The following PBLD variants were observed in gnomAD, a reference collection of about 807,000 sequenced individuals.
The protein encoded by PBLD is phenazine biosynthesis like protein domain containing.
Under a neutral mutation model 31.3 loss-of-function variants are expected in PBLD, and 26 were observed. That is an observed-to-expected ratio of 0.83 (90% CI 0.61 to 1.15). The LOEUF (loss-of-function observed/expected upper bound fraction) is 1.15. Among genes scored for constraint, PBLD ranks in the 50% most tolerant of loss-of-function variants. The probability of loss-of-function intolerance (pLI) is 0.00; values close to 1 mark genes in which losing one functional copy is unlikely to be tolerated. For missense variants in PBLD, 307 were observed against 351.7 expected (o/e 0.87, Z 1.02); for synonymous variants, 114 against 129.0 (o/e 0.88, Z 0.79).
chr10:68,288,624 G>A lies in PBLD; in HGVS notation c.550C>T (p.Leu184=), dbSNP rs768930553. Residue 184 remains leucine, a synonymous_variant, in exon 8 of 10, where the codon CTG becomes TTG. Transcript: ENST00000358769. Reference sequence around the variant, plus strand: ...TTCCCTGTGTTTTCAACTTGCAGCAGATTCTCCGTGTTCACTTTCAGGTTC... The same window carrying A: ...TTCCCTGTGTTTTCAACTTGCAGCAAATTCTCCGTGTTCACTTTCAGGTTC... ...LENLKVNTEN[L]LQVENTGKVK... is the part of the protein sequence containing the mutation. 1 of 1,614,154 alleles carries A rather than the reference G, an allele frequency of 6.2e-7. No individual in the cohort carries two copies. The highest frequency in any genetic ancestry group is 1.1e-5 in the South Asian group (1 of 91,070).
At chr10:68,294,197 T>G (rs1034529700) in intron 4 of PBLD, among the ~76,000 whole-genome samples, 3 of 152,160 alleles carry the variant, frequency 2.0e-5, no homozygotes, top group African/African-American at 4.8e-5. Flanking sequence ...CCAGGGACTT[T>G]GCACTTGTTA....
At chr10:68,303,822 C>A (rs201177097) in intron 2 of PBLD, among the ~76,000 whole-genome samples, 6 of 149,060 alleles carry the variant, frequency 4.0e-5, no homozygotes, top group Non-Finnish European at 3.0e-5. Context: ...AACAAAGCTA[C>A]AAAAAAAAAA....
At chr10:68,290,372 G>A (rs2044343393) in intron 6 of PBLD, among the ~76,000 whole-genome samples, 1 of 152,150 alleles carries the variant, frequency 6.6e-6, no homozygotes, top group Admixed American at 6.5e-5. Context: ...CTGTTCTCCA[G>A]AGCCTTAGTC....
intron 1 of PBLD, among the ~76,000 whole-genome samples, chr10:68,322,022 A>T (rs1310367176): frequency 2.6e-5 from 4 of 152,184 alleles, no homozygotes; most frequent in African/African-American, 9.7e-5. Context: ...CTTCCAAAGA[A>T]CAGAGCATGG....
At chr10:68,285,118 T>C in intron 9 of PBLD, 1 of 1,328,022 alleles carries the variant, frequency 7.5e-7, no homozygotes, top group Middle Eastern at 2.8e-4. Context: ...AAACACTTAT[T>C]GGGCAGTTAC....
intron 1 of PBLD, among the ~76,000 whole-genome samples, chr10:68,320,070 G>A (rs188580124): frequency 0.012 from 1,756 of 152,112 alleles, 13 homozygotes; most frequent in South Asian, 0.019. Context: ...TGATCTGCCC[G>A]TCTCGGCCTC....
intron 1 of PBLD, among the ~76,000 whole-genome samples, chr10:68,322,636 C>T (rs1799360321): frequency 6.6e-6 from 1 of 150,868 alleles, no homozygotes; most frequent in Admixed American, 6.6e-5. Context: ...TGCACTCCAG[C>T]CTGGGTGACA....
At chr10:68,304,144 C>A (rs951218043) in intron 2 of PBLD, among the ~76,000 whole-genome samples, 4 of 152,214 alleles carry the variant, frequency 2.6e-5, no homozygotes, top group Admixed American at 6.5e-5. Flanking sequence ...ATTCTCTCCA[C>A]CATCTCAGGA....
At chr10:68,324,580 C>A (rs1309624982) in intron 1 of PBLD, among the ~76,000 whole-genome samples, 3 of 151,708 alleles carry the variant, frequency 2.0e-5, no homozygotes, top group Admixed American at 6.6e-5. Flanking sequence ...TCTCTTCTTA[C>A]CCTCCCAATA....
intron 1 of PBLD, among the ~76,000 whole-genome samples, chr10:68,319,098 A>AGAAG (rs1491175346): frequency 7.4e-6 from 1 of 135,014 alleles, no homozygotes; most frequent in Non-Finnish European, 1.5e-5. Flanking sequence ...AAAGAAAGAA[A>AGAAG]GAAAGAAAGA....
intron 2 of PBLD, among the ~76,000 whole-genome samples, chr10:68,303,631 A>AAAC (rs2044535910): frequency 6.6e-6 from 1 of 151,076 alleles, no homozygotes; most frequent in African/African-American, 2.4e-5. Context: ...TCTTGAAAAC[A>AAAC]AAAAATCCTT....
At chr10:68,297,113 T>G (rs1052277222) in intron 2 of PBLD, 128 bp from the exon 3 acceptor site, 1 of 743,466 alleles carries the variant, frequency 1.3e-6, no homozygotes, top group African/African-American at 1.8e-5. Context: ...AGGAAATAAT[T>G]ACCAAGGAAT....
In PBLD at chr10:68,288,982, T is replaced by C. The variant is rs184286276; in HGVS notation, c.461A>G (p.Tyr154Cys). 4.3e-5 allele frequency: 70 copies of C among 1,614,130 alleles called. No individual in the cohort carries two copies. The highest frequency in any genetic ancestry group is 3.3e-4 in the Middle Eastern group (2 of 6,050). ...IGNTLVQDIC[Y>C]SPDTQKLLVR... ...GAGGAGCTTTTGGGTATCTGGAGAATAACAGATGTCCTGGACCAGTGTGTT... is the reference window on the plus strand; with the variant it reads ...GAGGAGCTTTTGGGTATCTGGAGAACAACAGATGTCCTGGACCAGTGTGTT... Residue 154 changes from tyrosine to cysteine, a missense_variant, in exon 7 of 10, where the codon TAT becomes TGT. Coordinates refer to ENST00000358769, the MANE Select transcript of PBLD (RefSeq NM_022129.4).
chr10:68,306,008 G>A lies in PBLD; in HGVS notation c.84+753C>T, dbSNP rs2044572855. Among the ~76,000 whole-genome samples, 3 of 152,142 alleles carry A rather than the reference G, an allele frequency of 2.0e-5. No homozygotes were observed. In the South Asian group the frequency reaches 6.2e-4, roughly 32 times the overall value. On this transcript the variant is annotated intron_variant, in intron 2 of 9. Coordinates refer to ENST00000358769, the MANE Select transcript of PBLD (RefSeq NM_022129.4). ...TACTCTTGTGCTAACTGCTCTGAGT[G>A]AAAGCACTCAGAAACGCCTTACCTT...
At chr10:68,299,496 T>C (rs2044476392) in intron 2 of PBLD, among the ~76,000 whole-genome samples, 2 of 152,154 alleles carry the variant, frequency 1.3e-5, no homozygotes, top group Non-Finnish European at 2.9e-5. Flanking sequence ...TATAATTATA[T>C]AGGGCATAAA....
chr10:68,286,247 C>A (rs2134419123), intron 8 of PBLD, among the ~76,000 whole-genome samples: 1 of 151,926 alleles, frequency 6.6e-6, no homozygotes, highest in African/African-American at 2.4e-5. Context: ...GCCACCAGGC[C>A]CAGCTAATTT....
chr10:68,312,408 T>C (rs965011528), intron 1 of PBLD, among the ~76,000 whole-genome samples: 3 of 152,120 alleles, frequency 2.0e-5, no homozygotes, highest in Non-Finnish European at 2.9e-5. Context: ...CTCATTGTGG[T>C]TTGATTTGCA....
intron 1 of PBLD, among the ~76,000 whole-genome samples, chr10:68,310,288 TTTC>T (rs1404135008): frequency 1.3e-5 from 2 of 149,058 alleles, no homozygotes; most frequent in African/African-American, 2.5e-5. Flanking sequence ...AAAGAAAATT[TTTC>T]TTTTTACTTT....
chr10:68,296,467 T>C, intron 3 of PBLD, 103 bp from the exon 4 acceptor site: 1 of 786,382 alleles, frequency 1.3e-6, no homozygotes, highest in South Asian at 1.7e-5. Context: ...GCATGATGAG[T>C]AGCCAAAACA....
Sources: allele counts gnomAD v4.1 joint callset (sites outside exome capture counted in the v4.1 genomes callset), GRCh38; gene constraint gnomAD v4.1.1; transcripts MANE v1.5; gene names NCBI Gene and HGNC (gene_info 2026-07-23, HGNC 2026-07-21).